GRIA3: variants seen among roughly 807,000 people sequenced by gnomAD.
The protein encoded by GRIA3 is glutamate receptor 3.
In GRIA3, 3 loss-of-function variants were observed where a neutral mutation model predicts 63.0. That is an observed-to-expected ratio of 0.05 (90% CI 0.02 to 0.12). The LOEUF is 0.12. Among genes scored for constraint, GRIA3 ranks in the 10% least tolerant of loss-of-function variants. GRIA3 has a pLI of 1.00. For missense variants in GRIA3, 347 were observed against 700.9 expected (o/e 0.50, Z 5.70); for synonymous variants, 274 against 257.9 (o/e 1.06, Z -0.60).
chrX:123,211,861 C>T (rs777181482), intron 2 of GRIA3, among the ~76,000 whole-genome samples: 2 of 111,728 alleles, frequency 1.8e-5, no homozygotes, highest in South Asian at 3.8e-4. Flanking sequence ...CTCTCTCATA[C>T]ACACACATAC....
chrX:123,224,504 T>G (rs1221786709), intron 2 of GRIA3, among the ~76,000 whole-genome samples: 1 of 111,989 alleles, frequency 8.9e-6, no homozygotes, highest in Non-Finnish European at 1.9e-5. Flanking sequence ...CCTATTCTCC[T>G]CGTTTTTTTC....
chrX:123,479,349 C>T (rs911687976), intron 13 of GRIA3, among the ~76,000 whole-genome samples: 4 of 111,803 alleles, frequency 3.6e-5, no homozygotes, highest in African/African-American at 9.8e-5. Context: ...AATCCATAGA[C>T]CAGTTTTTAC....
chrX:123,185,411 G>A (rs1420428035), intron 1 of GRIA3, among the ~76,000 whole-genome samples: 1 of 107,903 alleles, frequency 9.3e-6, no homozygotes, highest in Admixed American at 9.9e-5. Context: ...TATGGGGAAC[G>A]GGTTGGGGTA....
chrX:123,464,179 G>T (rs979751057), intron 12 of GRIA3, among the ~76,000 whole-genome samples: 1 of 110,555 alleles, frequency 9.0e-6, no homozygotes, highest in Non-Finnish European at 1.9e-5. Context: ...GGATAGTACC[G>T]GGGGTGGGGG....
At chrX:123,393,459 A>G (rs1345324855) in intron 5 of GRIA3, among the ~76,000 whole-genome samples, 1 of 112,401 alleles carries the variant, frequency 8.9e-6, no homozygotes, top group East Asian at 2.8e-4. Context: ...ATGGATATGG[A>G]TTTGGGTAAT....
chrX:123,208,958 C>T (rs748614419), intron 2 of GRIA3, among the ~76,000 whole-genome samples: 1 of 112,252 alleles, frequency 8.9e-6, no homozygotes, highest in East Asian at 2.8e-4. Flanking sequence ...TGTCTAAATT[C>T]ATAATGCAAT....
At chrX:123,446,842 G>A (rs2045705433) in intron 12 of GRIA3, among the ~76,000 whole-genome samples, 1 of 111,339 alleles carries the variant, frequency 9.0e-6, no homozygotes, top group Admixed American at 9.6e-5. Flanking sequence ...GCAATCAGGT[G>A]AGTCTTAAAG....
chrX:123,469,751 G>A (rs2045852654), intron 13 of GRIA3, among the ~76,000 whole-genome samples: 1 of 112,256 alleles, frequency 8.9e-6, no homozygotes, highest in Non-Finnish European at 1.9e-5. Flanking sequence ...CATAGCCAGT[G>A]AAAGTCTATC....
intron 5 of GRIA3, among the ~76,000 whole-genome samples, chrX:123,356,494 T>C (rs1360426004): frequency 4.5e-5 from 5 of 111,788 alleles, no homozygotes; most frequent in Admixed American, 9.6e-5. Context: ...TTTATTTTAA[T>C]GAAAATATAT....
intron 5 of GRIA3, among the ~76,000 whole-genome samples, chrX:123,364,765 C>T (rs893711642): frequency 8.9e-6 from 1 of 112,548 alleles, no homozygotes; most frequent in African/African-American, 3.2e-5. Context: ...ATGTACACAA[C>T]GGAATACTAT....
chrX:123,436,966 C>T (rs975284797), intron 12 of GRIA3, among the ~76,000 whole-genome samples: 6 of 110,209 alleles, frequency 5.4e-5, no homozygotes, highest in Admixed American at 9.8e-5. Flanking sequence ...AAAACTTGAC[C>T]GTAAGGATCA....
intron 2 of GRIA3, among the ~76,000 whole-genome samples, chrX:123,225,726 G>A (rs1461715877): frequency 9.0e-6 from 1 of 111,527 alleles, no homozygotes; most frequent in Non-Finnish European, 1.9e-5. Context: ...AACTTTTAAG[G>A]TGTAATGGTA....
At chrX:123,471,455 ATGTGTTTCTTAT>A (rs2045862523) in intron 13 of GRIA3, among the ~76,000 whole-genome samples, 1 of 112,227 alleles carries the variant, frequency 8.9e-6, no homozygotes, top group Admixed American at 9.5e-5. Context: ...GATAACATGA[ATGTGTTTCTTAT>A]TGACAAATAA....
At chrX:123,265,848 T>C (rs910530363) in intron 3 of GRIA3, among the ~76,000 whole-genome samples, 6 of 112,042 alleles carry the variant, frequency 5.4e-5, no homozygotes, top group Admixed American at 2.8e-4. Context: ...AGGACCCTGA[T>C]AGATAGGCGG....
chrX:123,281,277 G>A (rs2044584327), intron 3 of GRIA3, among the ~76,000 whole-genome samples: 1 of 111,280 alleles, frequency 9.0e-6, no homozygotes, highest in Non-Finnish European at 1.9e-5. Context: ...TATGATCTTG[G>A]CATACTAAAT....
At chrX:123,455,575 C>T (rs953171663) in intron 12 of GRIA3, among the ~76,000 whole-genome samples, 13 of 111,724 alleles carry the variant, frequency 1.2e-4, no homozygotes, top group African/African-American at 4.2e-4. Flanking sequence ...TCAAATTGCT[C>T]TGATCACTTT....
rs751450874 is a variant in GRIA3, at chrX:123,398,646, C to T, written c.923C>T (p.Ala308Val). Residue 308 changes from alanine (A) to valine (V), a missense_variant, in exon 7 of 16, where the codon GCA (alanine) becomes GTA (valine). Physicochemically the swap from Ala to Val is moderately conservative, Grantham distance 64. Around this residue, in one of 8 missense-constraint regions of GRIA3, gnomAD observed 65 missense variants for 145.8 expected, o/e 0.45. Coordinates refer to ENST00000620443, the MANE Select transcript of GRIA3 (RefSeq NM_007325.5). ...AKNAPLKYTSALTHDAILVIA... is the reference protein window; with the variant it reads ...AKNAPLKYTSVLTHDAILVIA... ...ATGCATCCATTTCAGTATACATCTGCATTGACACACGACGCAATACTGGTC... is the reference window on the plus strand; with the variant it reads ...ATGCATCCATTTCAGTATACATCTGTATTGACACACGACGCAATACTGGTC... 1 of 1,202,441 alleles carries T rather than the reference C, an allele frequency of 8.3e-7. No homozygotes were observed. The highest frequency in any genetic ancestry group is 1.7e-5 in the African/African-American group (1 of 57,431).
At chrX:123,270,714 T>C (rs2044516255) in intron 3 of GRIA3, among the ~76,000 whole-genome samples, 1 of 112,569 alleles carries the variant, frequency 8.9e-6, no homozygotes, top group Non-Finnish European at 1.9e-5. Flanking sequence ...GATTATAGTA[T>C]CTACTTCATT....
intron 3 of GRIA3, among the ~76,000 whole-genome samples, chrX:123,302,077 G>A (rs1200622413): frequency 8.9e-6 from 1 of 111,787 alleles, no homozygotes; most frequent in Non-Finnish European, 1.9e-5. Context: ...TCATGAGCCT[G>A]GTATTTAAGA....
Sources: gnomAD v4.1 joint callset for allele counts (sites outside exome capture counted in the v4.1 genomes callset) on GRCh38, gnomAD v4.1.1 for gene constraint, gnomAD v4.1.1 regional missense constraint, MANE v1.5 for transcripts, NCBI Gene and HGNC (gene_info 2026-07-23, HGNC 2026-07-21) for gene names.